PRMT7: variants seen among roughly 807,000 people sequenced by gnomAD.
The protein encoded by PRMT7 is protein arginine N-methyltransferase 7.
A neutral mutation model predicts 85.4 loss-of-function variants in PRMT7; 75 were observed. That is an observed-to-expected ratio of 0.88 (90% CI 0.73 to 1.06). The LOEUF (loss-of-function observed/expected upper bound fraction) is 1.06, where lower values mean the gene tolerates loss of function less well. Among genes scored for constraint, PRMT7 ranks in the 50% least tolerant of loss-of-function variants. The pLI is 0.00. For missense variants in PRMT7, 868 were observed against 915.2 expected (o/e 0.95, Z 0.67); for synonymous variants, 397 against 359.5 (o/e 1.10, Z -1.18).
Position 68,355,820 on chromosome 16 carries a change from T to A in PRMT7, c.1748T>A (p.Phe583Tyr). The A allele has an allele frequency of 6.2e-7, 1 of 1,611,116 alleles. No individual in the cohort carries two copies. The highest frequency in any genetic ancestry group is 1.1e-5 in the South Asian group (1 of 90,958). The change falls in exon 17 of 19, where the codon TTT (phenylalanine) becomes TAT (tyrosine). Residue 583 changes from phenylalanine (F) to tyrosine (Y), a missense_variant. Phe to Tyr is a conservative substitution (Grantham distance 22). Coordinates refer to ENST00000441236, the MANE Select transcript of PRMT7 (RefSeq NM_019023.5). ...TCCGAGCCCTGGCAGATCCTGACCT[T>A]TGACTTCCAGCAGCCGGTGCCCCTG... is the stretch of plus-strand genomic sequence containing the variant. ...SLSEPWQILT[F>Y]DFQQPVPLQP... is the part of the protein sequence containing the mutation.
Position 68,330,571 on chromosome 16 carries a change from T to C in PRMT7, c.391+1397T>C, listed in dbSNP as rs556103213. On this transcript the variant is annotated intron_variant, in intron 6 of 18. Transcript: ENST00000441236. ...TTTTTTTAATGGAGAATCTGAAACA[T>C]GTACAAAAGAAGTGGGTACTATCTT... 7.9e-5 allele frequency among the ~76,000 whole-genome samples: 12 copies of C among 152,012 alleles called. No individual in the cohort carries two copies. In the East Asian group the frequency reaches 2.3e-3, roughly 29 times the overall value.
chr16:68,316,055 TA>T lies in PRMT7; in HGVS notation c.77del (p.Tyr26SerfsTer21), dbSNP rs2081811652. 4.3e-6 allele frequency: 7 copies of T among 1,613,394 alleles called. No individual in the cohort carries two copies. Among genetic ancestry groups the T allele is most frequent in the Non-Finnish European group, 5.9e-6 (7 of 1,179,894 alleles). ...GCTGGAGGAGGATGAACACTATGAT[TA>T]CCACCAGGAGATTGCAAGGTACTGG... The part of the protein sequence containing the change: ...EWLEEDEHYD[Y>X]HQEIARSSYA... On this transcript the variant is annotated frameshift_variant, in exon 3 of 19. Coordinates refer to ENST00000441236, the MANE Select transcript of PRMT7 (RefSeq NM_019023.5). LOFTEE classifies it high-confidence loss of function.
chr16:68,342,230 G>A (rs2085653788), intron 9 of PRMT7, among the ~76,000 whole-genome samples: 1 of 152,054 alleles, frequency 6.6e-6, no homozygotes, highest in African/African-American at 2.4e-5. Context: ...GTGAGCTGAG[G>A]TCACACCACT....
At chr16:68,351,030 A>T (rs2087241283) in intron 14 of PRMT7, among the ~76,000 whole-genome samples, 1 of 152,206 alleles carries the variant, frequency 6.6e-6, no homozygotes, top group South Asian at 2.1e-4. Flanking sequence ...ATAAATATTC[A>T]TCCACAAGTC....
chr16:68,336,656 G>T (rs548094581), intron 6 of PRMT7, among the ~76,000 whole-genome samples: 4 of 152,314 alleles, frequency 2.6e-5, no homozygotes, highest in African/African-American at 4.8e-5. Context: ...TAATAGGGAT[G>T]AAAAAGTTTT....
At position 68,346,135 on chromosome 16, in the gene PRMT7, C is replaced by T. The variant is rs777592654; in HGVS notation, c.1056-10C>T. 2.5e-6 allele frequency: 4 copies of T among 1,613,158 alleles called. No homozygotes were observed. Among genetic ancestry groups the T allele is most frequent in the South Asian group, 2.2e-5 (2 of 91,074 alleles). ...ACAGCCCACGTCTGTTTGTTCATCTCCTGGCCTAGCCCTGAAAAGAATGAG... is the reference window on the plus strand; with the variant it reads ...ACAGCCCACGTCTGTTTGTTCATCTTCTGGCCTAGCCCTGAAAAGAATGAG... On this transcript the variant is annotated splice_polypyrimidine_tract_variant and intron_variant, in intron 10 of 18. Transcript: ENST00000441236.
intron 3 of PRMT7, 40 bp downstream of exon 3, chr16:68,316,114 C>A: frequency 6.4e-7 from 1 of 1,553,228 alleles, no homozygotes; most frequent in Non-Finnish European, 8.9e-7. Flanking sequence ...CTGGGTGGGG[C>A]ACTTGATCTC....
rs2085194609 is a variant in PRMT7 at position 68,339,475 on chromosome 16, C to A, written c.658C>A (p.Pro220Thr). 1 of 1,614,202 alleles carries A rather than the reference C, an allele frequency of 6.2e-7. No individual in the cohort carries two copies. Among genetic ancestry groups the A allele is most frequent in the East Asian group, 2.2e-5 (1 of 44,882 alleles). Residue 220 changes from proline (P) to threonine (T), a missense_variant, in exon 8 of 19, where the codon CCT becomes ACT. Coordinates refer to ENST00000441236, the MANE Select transcript of PRMT7 (RefSeq NM_019023.5). Reference sequence around the variant, plus strand: ...CCCTCCCGTTGACGTGGAGAGCTGCCCTGGCGCACCCTCTGTCTGTGACAT... The same window carrying A: ...CCCTCCCGTTGACGTGGAGAGCTGCACTGGCGCACCCTCTGTCTGTGACAT... ...IVPPVDVESC[P>T]GAPSVCDIQL... is the part of the protein sequence containing the mutation.
intron 6 of PRMT7, among the ~76,000 whole-genome samples, chr16:68,334,582 A>C (rs996214978): frequency 6.6e-6 from 1 of 152,198 alleles, no homozygotes; most frequent in African/African-American, 2.4e-5. Context: ...GCTGGGTTAC[A>C]TGCTGAGGCT....
At chr16:68,325,680 A>G (rs1341045458) in intron 5 of PRMT7, among the ~76,000 whole-genome samples, 1 of 151,692 alleles carries the variant, frequency 6.6e-6, no homozygotes, top group African/African-American at 2.4e-5. Context: ...AATCCCAGCT[A>G]CTCAGGAGGC....
chr16:68,316,531 C>T (rs576732142), intron 3 of PRMT7, among the ~76,000 whole-genome samples: 9 of 151,688 alleles, frequency 5.9e-5, no homozygotes, highest in Admixed American at 2.0e-4. Flanking sequence ...TTTGGGAGGC[C>T]GAGGTGGCCA....
intron 3 of PRMT7, chr16:68,319,097 TG>T (rs1250322353): frequency 6.6e-6 from 1 of 152,066 alleles, no homozygotes; most frequent in Non-Finnish European, 1.5e-5. Flanking sequence ...GAGGAATGGG[TG>T]GTGTGGGGAG....
chr16:68,341,052 A>G (rs2085451116), intron 9 of PRMT7, among the ~76,000 whole-genome samples: 1 of 152,250 alleles, frequency 6.6e-6, no homozygotes, highest in Non-Finnish European at 1.5e-5. Flanking sequence ...CTTTGGAAGA[A>G]TTCCCAGAAA....
intron 14 of PRMT7, among the ~76,000 whole-genome samples, chr16:68,350,162 A>G (rs1277922615): frequency 6.6e-6 from 1 of 152,212 alleles, no homozygotes; most frequent in Admixed American, 6.5e-5. Context: ...GTGGCTATCC[A>G]TTCATGTGCT....
chr16:68,329,217 G>C (rs1161989412), intron 6 of PRMT7, 43 bp downstream of exon 6: 9 of 1,421,288 alleles, frequency 6.3e-6, no homozygotes, highest in South Asian at 4.6e-5. Flanking sequence ...GCTTGCTCTT[G>C]TGTGAGAGAG....
At chr16:68,315,809 C>G (rs1002600515) in intron 2 of PRMT7, 88 bp from the exon 3 acceptor site, 12 of 629,824 alleles carry the variant, frequency 1.9e-5, no homozygotes, top group East Asian at 1.7e-4. Context: ...CCCCTTCCCC[C>G]CTCCACATTT....
At position 68,357,951 on chromosome 16, in the gene PRMT7, G is replaced by C. The variant is rs985180516; in HGVS notation, c.*727G>C. 6.6e-6 allele frequency: 1 copy of C among 152,252 alleles called. No homozygotes were observed. Among genetic ancestry groups the C allele is most frequent in the African/African-American group, 2.4e-5 (1 of 41,442 alleles). 9.4% of individuals were successfully genotyped at this position (152,252 alleles called of 1,614,324 possible). A position where few individuals can be genotyped will look rare whatever the true frequency, so the allele number is the denominator to read the frequency against. ...TGTTCCCTGCACCTCCCTCAGATTGGAAAGCCCCTCCTGCAGGTGGGGTAT... is the reference window on the plus strand; with the variant it reads ...TGTTCCCTGCACCTCCCTCAGATTGCAAAGCCCCTCCTGCAGGTGGGGTAT... On this transcript the variant is annotated 3_prime_UTR_variant, in exon 19 of 19. Transcript: ENST00000441236.
At position 68,336,395 on chromosome 16, in the gene PRMT7, C is replaced by T. The variant is rs75702148; in HGVS notation, c.392-1064C>T. ...TTTAAGAGATTGTTTGGTGACAAGG[C>T]GCTTTCATTAAGGGAATTTGCCATA... On this transcript the variant is annotated intron_variant, in intron 6 of 18. Transcript: ENST00000441236. 7.7e-3 allele frequency among the ~76,000 whole-genome samples: 1,169 copies of T among 152,236 alleles called. 15 individuals are homozygous for T. Among genetic ancestry groups the T allele is most frequent in the African/African-American group, 0.021 (881 of 41,532 alleles).
At chr16:68,328,201 C>T (rs541510389) in intron 5 of PRMT7, 116 of 254,616 alleles carry the variant, frequency 4.6e-4, no homozygotes, top group Middle Eastern at 3.0e-3. Context: ...AAAATTTCCG[C>T]TCTCATGCAC....
Sources: gnomAD v4.1 joint callset for allele counts (sites outside exome capture counted in the v4.1 genomes callset) on GRCh38, gnomAD v4.1.1 for gene constraint, MANE v1.5 for transcripts, NCBI Gene and HGNC (gene_info 2026-07-23, HGNC 2026-07-21) for gene names.